ZNF793: variants seen among roughly 807,000 people sequenced by gnomAD.
The protein encoded by ZNF793 is zinc finger protein 793.
In ZNF793, 5 loss-of-function variants were observed where a neutral mutation model predicts 12.4. That is an observed-to-expected ratio of 0.40 (90% confidence interval 0.21 to 0.84). The LOEUF (loss-of-function observed/expected upper bound fraction) is 0.84. Among genes scored for constraint, ZNF793 ranks in the 40% least tolerant of loss-of-function variants. ZNF793 has a pLI of 0.35. For synonymous variants in ZNF793, 162 were observed against 172.4 expected (o/e 0.94, Z 0.47); for missense variants, 456 against 495.0 (o/e 0.92, Z 0.75).
intron 5 of ZNF793, among the ~76,000 whole-genome samples, chr19:37,532,020 T>TC (rs1000556241): frequency 1.3e-5 from 2 of 151,684 alleles, no homozygotes; most frequent in African/African-American, 2.4e-5. Flanking sequence ...ACAAAATTTT[T>TC]TTTTTTTTTT....
chr19:37,526,834 C>T (rs1037489468), intron 5 of ZNF793, among the ~76,000 whole-genome samples: 1 of 152,242 alleles, frequency 6.6e-6, no homozygotes, highest in African/African-American at 2.4e-5. Context: ...TCGGCCACTC[C>T]TGGAGGTGGT....
intron 2 of ZNF793, among the ~76,000 whole-genome samples, chr19:37,516,340 A>C (rs2042332137): frequency 6.6e-6 from 1 of 152,038 alleles, no homozygotes; most frequent in Non-Finnish European, 1.5e-5. Context: ...TCACCATGTC[A>C]GTCAGGCTGG....
In ZNF793 at chr19:37,533,376, G is replaced by A. The variant is rs766584030; in HGVS notation, c.211G>A (p.Ala71Thr). The A allele has an allele frequency of 1.2e-6, 2 of 1,613,970 alleles. No individual in the cohort carries two copies. Among genetic ancestry groups the A allele is most frequent in the Middle Eastern group, 1.6e-4 (1 of 6,062 alleles). ...EQEEAPWIGE[A>T]ACPGCHCWED... The stretch of plus-strand genomic sequence containing the variant: ...GGAAGAAGCACCATGGATTGGTGAG[G>A]CAGCATGCCCGGGCTGCCACTGTTG... Residue 71 changes from alanine (A) to threonine (T), a missense_variant, in exon 7 of 8, where the codon GCA becomes ACA. Coordinates refer to ENST00000627814, the MANE Select transcript of ZNF793 (RefSeq NM_001013659.3).
At chr19:37,521,065 G>A (rs999871689) in intron 3 of ZNF793, among the ~76,000 whole-genome samples, 5 of 149,376 alleles carry the variant, frequency 3.3e-5, no homozygotes, top group East Asian at 2.0e-4. Context: ...TCGGCTCACT[G>A]CAAGCTCCAC....
In ZNF793 at chr19:37,508,394, A is replaced by G. The variant is rs1033346844; in HGVS notation, c.-285A>G. The G allele has an allele frequency of 6.6e-6, 1 of 152,106 alleles. No individual in the cohort carries two copies. The highest frequency in any genetic ancestry group is 2.4e-5 in the African/African-American group (1 of 41,406). The allele number at this position is 152,106 out of a possible 1,614,324, so 9.4% of individuals were successfully genotyped here. On this transcript the variant is annotated 5_prime_UTR_variant, in exon 2 of 8. Coordinates refer to ENST00000627814, the MANE Select transcript of ZNF793 (RefSeq NM_001013659.3). ...TGACCTTGCCCGTGGTTAGAAAACA[A>G]ATTTACTGAGTAAGTATCTAAAATG... is the stretch of plus-strand genomic sequence containing the variant.
intron 5 of ZNF793, among the ~76,000 whole-genome samples, chr19:37,523,867 C>T (rs763174528): frequency 1.3e-5 from 2 of 151,958 alleles, no homozygotes; most frequent in African/African-American, 4.8e-5. Context: ...GGTTTTAAGC[C>T]GGCCGCTAGG....
chr19:37,529,545 T>C (rs186108137), intron 5 of ZNF793, among the ~76,000 whole-genome samples: 1 of 152,188 alleles, frequency 6.6e-6, no homozygotes, highest in Non-Finnish European at 1.5e-5. Context: ...CAGGGTAGAG[T>C]ACAGTGGCAC....
Position 37,523,392 on chromosome 19 carries a change from C to T in ZNF793, c.-30-18C>T. 1.3e-6 allele frequency: 2 copies of T among 1,597,680 alleles called. No homozygotes were observed. Among genetic ancestry groups the T allele is most frequent in the Middle Eastern group, 1.7e-4 (1 of 6,036 alleles). ...CTGTTCTCTCTTTCTCCATCTTCTT[C>T]CCCCCACATGTCTACAGGTGTCAGA... On this transcript the variant is annotated intron_variant, in intron 4 of 7. Coordinates refer to ENST00000627814, the MANE Select transcript of ZNF793 (RefSeq NM_001013659.3).
At chr19:37,524,267 T>C (rs1296711391) in intron 5 of ZNF793, among the ~76,000 whole-genome samples, 1 of 151,992 alleles carries the variant, frequency 6.6e-6, no homozygotes, top group Non-Finnish European at 1.5e-5. Context: ...TAACACATAC[T>C]GCTGTAACCA....
intron 5 of ZNF793, among the ~76,000 whole-genome samples, chr19:37,530,614 C>G (rs546703155): frequency 3.3e-5 from 5 of 152,122 alleles, no homozygotes; most frequent in Non-Finnish European, 7.3e-5. Flanking sequence ...TGACCCAGCA[C>G]ATGTTTCAGA....
Position 37,532,400 on chromosome 19 carries a change from G to A in ZNF793, c.60G>A (p.Glu20=), listed in dbSNP as rs767231131. The part of the protein sequence containing the change: ...FKDVVVGFTQ[E]EWHRLSPAQR... ...ATGTGGTTGTGGGCTTCACCCAAGAGGAGTGGCACCGGCTGAGTCCTGCTC... is the reference window on the plus strand; with the variant it reads ...ATGTGGTTGTGGGCTTCACCCAAGAAGAGTGGCACCGGCTGAGTCCTGCTC... The change falls in exon 6 of 8, where the codon GAG becomes GAA. Residue 20 remains glutamate, a synonymous_variant. Transcript: ENST00000627814. 2 of 1,614,152 alleles carry A rather than the reference G, an allele frequency of 1.2e-6. No homozygotes were observed. The highest frequency in any genetic ancestry group is 1.7e-6 in the Non-Finnish European group (2 of 1,180,006).
At position 37,540,407 on chromosome 19, in the gene ZNF793, A is replaced by G. The variant is rs193186763; in HGVS notation, c.*2528A>G. On this transcript the variant is annotated 3_prime_UTR_variant, in exon 8 of 8. Transcript: ENST00000627814. Reference sequence around the variant, plus strand: ...AGTAAGAGTCATCCCAAGAATGCCAAACCAGTTCAGTTAATAGGAAATGCA... The same window carrying G: ...AGTAAGAGTCATCCCAAGAATGCCAGACCAGTTCAGTTAATAGGAAATGCA... 5.3e-5 allele frequency: 8 copies of G among 151,924 alleles called. No individual in the cohort carries two copies. The East Asian group carries it at 1.5e-3, about 29-fold the overall frequency. 9.4% of individuals were successfully genotyped at this position (151,924 alleles called of 1,614,324 possible). A position where few individuals can be genotyped will look rare whatever the true frequency, so the allele number is the denominator to read the frequency against.
chr19:37,540,441 AT>A lies in ZNF793; in HGVS notation c.*2564del, dbSNP rs1443579933. 6.6e-6 allele frequency: 1 copy of A among 151,670 alleles called. No homozygotes were observed. Among genetic ancestry groups the A allele is most frequent in the Non-Finnish European group, 1.5e-5 (1 of 67,926 alleles). 9.4% of individuals were successfully genotyped at this position (151,670 alleles called of 1,614,324 possible). ...AGTTAATAGGAAATGCATCAATCAA[AT>A]TAACAGTTTAAAGGAGAAGAATCAT... is the stretch of plus-strand genomic sequence containing the variant. On this transcript the variant is annotated 3_prime_UTR_variant, in exon 8 of 8. Coordinates refer to ENST00000627814, the MANE Select transcript of ZNF793 (RefSeq NM_001013659.3).
Position 37,533,220 on chromosome 19 carries a change from C to T in ZNF793, c.143-88C>T, listed in dbSNP as rs576517869. The T allele has an allele frequency of 1.2e-5, 13 of 1,069,762 alleles. No homozygotes were observed. The Admixed American group carries it at 2.0e-4, about 17-fold the overall frequency. 66.3% of individuals were successfully genotyped at this position (1,069,762 alleles called of 1,614,324 possible). A position where few individuals can be genotyped will look rare whatever the true frequency, so the allele number is the denominator to read the frequency against. ...GTGTTTAGTCCCCTCCCAAGTATAACATCTATTGTGCAGCCTTTAAAGCTG... is the reference window on the plus strand; with the variant it reads ...GTGTTTAGTCCCCTCCCAAGTATAATATCTATTGTGCAGCCTTTAAAGCTG... On this transcript the variant is annotated intron_variant, in intron 6 of 7. Coordinates refer to ENST00000627814, the MANE Select transcript of ZNF793 (RefSeq NM_001013659.3).
rs1568330093 is a variant in ZNF793, at chr19:37,542,339, G to A, written c.*4460G>A. 5 of 274,854 alleles carry A rather than the reference G, an allele frequency of 1.8e-5. No homozygotes were observed. The highest frequency in any genetic ancestry group is 3.5e-5 in the South Asian group (1 of 28,260). 17.0% of individuals were successfully genotyped at this position (274,854 alleles called of 1,614,324 possible). ...ACCCAGGAGGCAGAGGTTGCAGTGA[G>A]CCAAGATCGCGCCATTGCACTCCAA... On this transcript the variant is annotated 3_prime_UTR_variant, in exon 8 of 8. Transcript: ENST00000627814.
At chr19:37,530,718 ACTT>A (rs2042453145) in intron 5 of ZNF793, among the ~76,000 whole-genome samples, 2 of 152,136 alleles carry the variant, frequency 1.3e-5, no homozygotes, top group Non-Finnish European at 2.9e-5. Flanking sequence ...TCCTATGTCT[ACTT>A]CTTTCTACGC....
intron 7 of ZNF793, chr19:37,535,785 A>G (rs1485748349): frequency 6.6e-6 from 1 of 152,152 alleles, no homozygotes; most frequent in African/African-American, 2.4e-5. Flanking sequence ...CGGCCTCCCA[A>G]AATGCTGGGA....
Position 37,543,148 on chromosome 19 carries a change from T to C in ZNF793, c.*5269T>C, listed in dbSNP as rs1202523556. The C allele has an allele frequency of 6.6e-6, 1 of 152,220 alleles. No homozygotes were observed. The highest frequency in any genetic ancestry group is 1.5e-5 in the Non-Finnish European group (1 of 68,040). The allele number at this position is 152,220 out of a possible 1,614,324, so 9.4% of individuals were successfully genotyped here. ...GTAAAAACTCCTGTGTGTGTATATATGCATGTGGATGTTTATATGAACATA... is the reference window on the plus strand; with the variant it reads ...GTAAAAACTCCTGTGTGTGTATATACGCATGTGGATGTTTATATGAACATA... On this transcript the variant is annotated 3_prime_UTR_variant, in exon 8 of 8. Transcript: ENST00000627814.
intron 5 of ZNF793, among the ~76,000 whole-genome samples, chr19:37,525,428 G>A (rs570207256): frequency 1.0e-4 from 15 of 143,528 alleles, no homozygotes; most frequent in East Asian, 4.2e-4. Flanking sequence ...GTGAGCCACC[G>A]TGCCTGGCCT....
Sources: gnomAD v4.1 joint callset for allele counts (sites outside exome capture counted in the v4.1 genomes callset) on GRCh38, gnomAD v4.1.1 for gene constraint, MANE v1.5 for transcripts, NCBI Gene and HGNC (gene_info 2026-07-23, HGNC 2026-07-21) for gene names.